Variants in SLC6A12 observed in about 807,000 individuals in gnomAD.
SLC6A12 encodes solute carrier family 6 member 12.
Under a neutral mutation model 73.3 loss-of-function variants are expected in SLC6A12, and 50 were observed. The observed-to-expected ratio is 0.68, with a 90% CI of 0.54 to 0.86. The LOEUF (loss-of-function observed/expected upper bound fraction) is 0.86, where lower values mean the gene tolerates loss of function less well. SLC6A12 is among the 40% of genes least tolerant of loss of function. SLC6A12 has a pLI of 0.00. For missense variants in SLC6A12, 648 were observed against 772.8 expected, an observed-to-expected ratio of 0.84 and a Z score of 1.92; for synonymous variants, 304 against 309.2, an observed-to-expected ratio of 0.98 and a Z score of 0.18.
intron 5 of SLC6A12, among the ~76,000 whole-genome samples, chr12:202,080 C>A (rs1421209478): frequency 1.3e-5 from 2 of 152,156 alleles, no homozygotes; most frequent in Non-Finnish European, 2.9e-5. Flanking sequence ...CAACCTCAGA[C>A]AGTATCCAGA....
Position 190,253 on chromosome 12 carries a change from G to A in SLC6A12, c.*815C>T, listed in dbSNP as rs1045580228. The stretch of plus-strand genomic sequence containing the variant: ...TTTGGTCTCCAGGTTCCTCATCCAT[G>A]AAGTCAGGGGTTTGCGTTAGAAGCA... On this transcript the variant is annotated 3_prime_UTR_variant, in exon 16 of 16. Transcript: ENST00000684302. 1 of 152,202 alleles carries A rather than the reference G, an allele frequency of 6.6e-6. No individual in the cohort carries two copies. The highest frequency in any genetic ancestry group is 6.5e-5 in the Admixed American group (1 of 15,290). 9.4% of individuals were successfully genotyped at this position (152,202 alleles called of 1,614,324 possible).
At position 196,886 on chromosome 12, in the gene SLC6A12, C is replaced by A; in HGVS notation, c.1076-4G>T. ...GCGATGAAGGCCAGCCCAGGACCTG[C>A]CAGGTACACAGCACAGTCAGGGAGG... On this transcript the variant is annotated splice_polypyrimidine_tract_variant and splice_region_variant and intron_variant, in intron 10 of 15. Coordinates refer to ENST00000684302, the MANE Select transcript of SLC6A12 (RefSeq NM_001122848.3). 8 of 1,609,076 alleles carry A rather than the reference C, an allele frequency of 5.0e-6. No homozygotes were observed. The highest frequency in any genetic ancestry group is 6.8e-6 in the Non-Finnish European group (8 of 1,175,820).
chr12:184,547 G>A, the SLC6A12 span, among the ~76,000 whole-genome samples: 48 of 152,226 alleles, frequency 3.2e-4, no homozygotes, highest in East Asian at 9.7e-4. Context: ...TCAGGAGATC[G>A]AGACCATCCT....
intron 14 of SLC6A12, among the ~76,000 whole-genome samples, 173 bp from the exon 15 acceptor site, chr12:192,821 G>A (rs951028484): frequency 2.0e-5 from 3 of 150,612 alleles, no homozygotes; most frequent in African/African-American, 2.5e-5. Context: ...CATCACAGAC[G>A]GAGACAGGAG....
intron 2 of SLC6A12, chr12:210,248 A>T: frequency 8.9e-7 from 1 of 1,126,558 alleles, no homozygotes; most frequent in Non-Finnish European, 1.2e-6. Flanking sequence ...AGGCCTTGGC[A>T]GATGAAGTGA....
chr12:212,831 C>T (rs1193999481), intron 1 of SLC6A12, among the ~76,000 whole-genome samples: 1 of 152,186 alleles, frequency 6.6e-6, no homozygotes, highest in African/African-American at 2.4e-5. Flanking sequence ...TTCGGCTGGC[C>T]GCCTCTCCAG....
rs115223250 is a variant in SLC6A12, at chr12:196,115, G to A, written c.1326+9C>T. The A allele has an allele frequency of 1.6e-4, 247 of 1,553,780 alleles. No individual in the cohort carries two copies. Among genetic ancestry groups the A allele is most frequent in the Middle Eastern group, 4.0e-4 (2 of 5,040 alleles). On this transcript the variant is annotated intron_variant, in intron 12 of 15. Transcript: ENST00000684302. ...GAGCCTGGCCTGCAGGCCGGCGGCC[G>A]CAGCTCACCTCGGTGACCAGGAAAA...
intron 6 of SLC6A12, 177 bp downstream of exon 6, chr12:201,585 G>A: frequency 1.6e-6 from 1 of 611,304 alleles, no homozygotes. Flanking sequence ...GACCCGTGTG[G>A]GTAGATGTGA....
At chr12:191,733 C>T (rs1249017921) in intron 15 of SLC6A12, among the ~76,000 whole-genome samples, 4 of 152,056 alleles carry the variant, frequency 2.6e-5, no homozygotes, top group African/African-American at 7.3e-5. Context: ...TGACTGGAAT[C>T]GTGACAGCCA....
intron 9 of SLC6A12, 74 bp from the exon 10 acceptor site, chr12:197,575 G>A: frequency 1.3e-6 from 2 of 1,491,518 alleles, no homozygotes; most frequent in Non-Finnish European, 1.8e-6. Flanking sequence ...GTCATGGGAG[G>A]AGAGGTCAAA....
intron 9 of SLC6A12, 88 bp downstream of exon 9, chr12:197,812 C>A: frequency 1.1e-6 from 1 of 948,556 alleles, no homozygotes; most frequent in South Asian, 1.5e-5. Context: ...TAAGGAAGGT[C>A]TGGGCCCAGA....
intron 3 of SLC6A12, among the ~76,000 whole-genome samples, chr12:209,499 C>T (rs76340548): frequency 0.015 from 2,343 of 152,304 alleles, 42 homozygotes; most frequent in African/African-American, 0.042. Flanking sequence ...TTGACCTTTA[C>T]ATAGTCATGA....
rs1229557914 is a variant in SLC6A12 at position 214,028 on chromosome 12, G to C, written c.-249C>G. On this transcript the variant is annotated 5_prime_UTR_variant, in exon 1 of 16. Transcript: ENST00000684302. This position sits in a 1 kb window ranked among gnomAD's most constrained non-coding sequence, Gnocchi z 4.2. ...GGGAAAGCCAAGAGAGCCGGGACCT[G>C]AAAGGGAAACTGCCCTCCACGTTCA... 1 of 152,386 alleles carries C rather than the reference G, an allele frequency of 6.6e-6. No individual in the cohort carries two copies. Among genetic ancestry groups the C allele is most frequent in the East Asian group, 1.9e-4 (1 of 5,206 alleles). The allele number at this position is 152,386 out of a possible 1,614,324, so 9.4% of individuals were successfully genotyped here. A position where few individuals can be genotyped will look rare whatever the true frequency, so the allele number is the denominator to read the frequency against.
Position 200,654 on chromosome 12 carries a change from G to T in SLC6A12, c.708C>A (p.Gly236=). 1 of 1,613,984 alleles carries T rather than the reference G, an allele frequency of 6.2e-7. No individual in the cohort carries two copies. Among genetic ancestry groups the T allele is most frequent in the South Asian group, 1.1e-5 (1 of 91,054 alleles). ...FCIWKGVKST[G]KVVYFTATFP... ...CCCAGGAGGCAGGACATCTCACCTT[G>T]CCTGTGGACTTGACCCCCTTCCAGA... The change falls in exon 7 of 16, where the codon GGC becomes GGA. Residue 236 remains glycine (G), a synonymous_variant. Coordinates refer to ENST00000684302, the MANE Select transcript of SLC6A12 (RefSeq NM_001122848.3).
rs774671496 is a variant in SLC6A12, at chr12:198,902, G to A, written c.741C>T (p.Tyr247=). 3 of 1,614,178 alleles carry A rather than the reference G, an allele frequency of 1.9e-6. No homozygotes were observed. Among genetic ancestry groups the A allele is most frequent in the South Asian group, 2.2e-5 (2 of 91,088 alleles). The change falls in exon 8 of 16, where the codon TAC becomes TAT. Residue 247 remains tyrosine, a synonymous_variant. Transcript: ENST00000684302. The surrounding 1 kb of genome is among the most constrained non-coding windows in gnomAD (Gnocchi z 4.0). ...KVVYFTATFP[Y]LMLVILLIRG... is the part of the protein sequence containing the mutation. The stretch of plus-strand genomic sequence containing the variant: ...TGATCAGCAAAATGACAAGCATCAG[G>A]TACGGAAACGTGGCTGTGAAATAAA...
chr12:200,350 C>A (rs956390400), intron 7 of SLC6A12, among the ~76,000 whole-genome samples: 1 of 151,972 alleles, frequency 6.6e-6, no homozygotes, highest in South Asian at 2.1e-4. Context: ...CCTCGTGATC[C>A]GCCAGCCTCG....
intron 9 of SLC6A12, 49 bp from the exon 10 acceptor site, chr12:197,550 A>AAG: frequency 1.3e-6 from 2 of 1,575,768 alleles, no homozygotes; most frequent in Non-Finnish European, 1.7e-6. Flanking sequence ...AAAAGAGAGG[A>AAG]AGAGAGAGAG....
At chr12:204,406 T>C (rs12367240) in intron 4 of SLC6A12, among the ~76,000 whole-genome samples, 158 bp downstream of exon 4, 4,909 of 152,236 alleles carry the variant, frequency 0.032, 144 homozygotes, top group Non-Finnish European at 0.042. Context: ...CCCACCAGGC[T>C]CTCTCCGGCC....
chr12:209,102 C>T (rs902618119), intron 3 of SLC6A12, among the ~76,000 whole-genome samples: 1 of 152,182 alleles, frequency 6.6e-6, no homozygotes, highest in Non-Finnish European at 1.5e-5. Flanking sequence ...CTCCTCACTG[C>T]TCCTCAGACA....
Sources: allele counts gnomAD v4.1 joint callset (sites outside exome capture counted in the v4.1 genomes callset), GRCh38; gene constraint gnomAD v4.1.1; non-coding constraint Gnocchi (gnomAD v3.1); transcripts MANE v1.5; gene names NCBI Gene and HGNC (gene_info 2026-07-23, HGNC 2026-07-21).